The following MAPKAP1 variants were observed in gnomAD, a reference collection of about 807,000 sequenced individuals.
MAPKAP1 encodes target of rapamycin complex 2 subunit MAPKAP1.
Under a neutral mutation model 65.7 loss-of-function variants are expected in MAPKAP1, and 20 were observed. The ratio of observed to expected loss-of-function variants is 0.30; its 90% CI spans 0.21 to 0.44. The LOEUF is 0.44. Among genes scored for constraint, MAPKAP1 ranks in the 20% least tolerant of loss-of-function variants. The pLI, the probability that MAPKAP1 is intolerant of heterozygous loss-of-function variation, is 1.00. For synonymous variants in MAPKAP1, 222 were observed against 244.3 expected (o/e 0.91, Z 0.85); for missense variants, 423 against 648.0 (o/e 0.65, Z 3.77).
rs1554844769 is a variant in MAPKAP1, at chr9:125,693,846, TAC to T, written c.-70+13123_-70+13124del. ...ACACACACACATATATATACACACA[TAC>T]ACACACACACACACACACACACACA... On this transcript the variant is annotated intron_variant, in intron 1 of 11. Transcript: ENST00000265960. Among the ~76,000 whole-genome samples, 958 of 135,460 alleles carry T rather than the reference TAC, an allele frequency of 7.1e-3. 27 individuals are homozygous for T. Among genetic ancestry groups the T allele is most frequent in the East Asian group, 0.064 (304 of 4,760 alleles). 88.9% of individuals were successfully genotyped at this position (135,460 alleles called of 152,430 possible).
At chr9:125,501,916 C>A (rs117933797) in intron 8 of MAPKAP1, among the ~76,000 whole-genome samples, 3,567 of 152,150 alleles carry the variant, frequency 0.023, 61 homozygotes, top group South Asian at 0.057. Context: ...TTGTCCATTT[C>A]ATTGGAAGTG....
rs987624597 is a variant in MAPKAP1, at chr9:125,543,079, T to C, written c.938A>G (p.Lys313Arg). 1 of 1,613,072 alleles carries C rather than the reference T, an allele frequency of 6.2e-7. No homozygotes were observed. The highest frequency in any genetic ancestry group is 8.5e-7 in the Non-Finnish European group (1 of 1,179,094). The part of the protein sequence containing the change: ...EILLKAVKRR[K>R]GSQKVSGPQY... ...CCCACCTGAAACTTTCTGGGATCCT[T>C]TTCTTCGCTTCACTGCCTTCAGTAA... Residue 313 changes from lysine to arginine, a missense_variant, in exon 7 of 12, where the codon AAA (lysine) becomes AGA (arginine). Physicochemically the swap from Lys to Arg is conservative, Grantham distance 26. This residue lies in a region of MAPKAP1 where 98 missense variants were observed against 200.5 expected (regional missense o/e 0.49). Coordinates refer to ENST00000265960, the MANE Select transcript of MAPKAP1 (RefSeq NM_001006617.3).
In MAPKAP1 at chr9:125,465,169, A is replaced by G. The variant is rs563550979; in HGVS notation, c.1345+2803T>C. ...ATGAAAAAGGAAATATATTGCAGAA[A>G]TCAAAAACCTTATCTACTTCTAGAC... On this transcript the variant is annotated intron_variant, in intron 10 of 11. Coordinates refer to ENST00000265960, the MANE Select transcript of MAPKAP1 (RefSeq NM_001006617.3). 2.0e-5 allele frequency among the ~76,000 whole-genome samples: 3 copies of G among 152,376 alleles called. No homozygotes were observed. The East Asian group carries it at 5.8e-4, about 29-fold the overall frequency.
intron 4 of MAPKAP1, chr9:125,596,227 A>C (rs2131600270): frequency 2.6e-6 from 2 of 765,906 alleles, no homozygotes; most frequent in Non-Finnish European, 4.8e-6. Context: ...GAGATGGCTA[A>C]TACTTCATCC....
chr9:125,681,246 TA>T (rs1834812852), intron 1 of MAPKAP1, among the ~76,000 whole-genome samples: 1 of 152,192 alleles, frequency 6.6e-6, no homozygotes, highest in Non-Finnish European at 1.5e-5. Context: ...CAACAGAATA[TA>T]GGGGAAGGAA....
At chr9:125,575,663 C>T (rs1831372551) in intron 5 of MAPKAP1, among the ~76,000 whole-genome samples, 1 of 152,234 alleles carries the variant, frequency 6.6e-6, no homozygotes, top group Non-Finnish European at 1.5e-5. Context: ...TACCACTACA[C>T]ACCTATTAAA....
chr9:125,628,801 T>C (rs1443176814), intron 4 of MAPKAP1, among the ~76,000 whole-genome samples: 1 of 151,976 alleles, frequency 6.6e-6, no homozygotes, highest in Admixed American at 6.6e-5. Context: ...GGACAAAATA[T>C]TTGCAAACCA....
chr9:125,628,960 T>C (rs1348698208), intron 4 of MAPKAP1, among the ~76,000 whole-genome samples: 1 of 151,870 alleles, frequency 6.6e-6, no homozygotes, highest in Non-Finnish European at 1.5e-5. Flanking sequence ...AACAAGCATA[T>C]GAGAAGATGC....
intron 1 of MAPKAP1, among the ~76,000 whole-genome samples, chr9:125,674,130 C>G (rs17350527): frequency 0.056 from 8,536 of 152,000 alleles, 341 homozygotes; most frequent in Middle Eastern, 0.099. Flanking sequence ...GCTATAAGAT[C>G]TCAGTCAAAA....
At chr9:125,657,851 G>A in intron 3 of MAPKAP1, 52 bp from the exon 4 acceptor site, 1 of 1,562,960 alleles carries the variant, frequency 6.4e-7, no homozygotes. Flanking sequence ...GAGACAACTT[G>A]TCCACCTTCC....
At chr9:125,464,678 G>A (rs117096535) in intron 10 of MAPKAP1, among the ~76,000 whole-genome samples, 3,562 of 152,274 alleles carry the variant, frequency 0.023, 61 homozygotes, top group South Asian at 0.057. Context: ...AGAAGTCGAG[G>A]GGAATGGAAA....
In MAPKAP1 at chr9:125,523,417, T is replaced by C. The variant is rs745740948; in HGVS notation, c.959-17000A>G. Among the ~76,000 whole-genome samples, 83 of 152,198 alleles carry C rather than the reference T, an allele frequency of 5.5e-4. 1 individual carries two copies. The highest frequency in any genetic ancestry group is 1.0e-3 in the Non-Finnish European group (71 of 68,040). ...ATTTAAGCAGTTGGGAGAATTCCAC[T>C]TGCCATGACTCTCAGTGATCCAATG... is the stretch of plus-strand genomic sequence containing the variant. On this transcript the variant is annotated intron_variant, in intron 7 of 11. Coordinates refer to ENST00000265960, the MANE Select transcript of MAPKAP1 (RefSeq NM_001006617.3).
At position 125,588,141 on chromosome 9, in the gene MAPKAP1, T is replaced by C. The variant is rs562232214; in HGVS notation, c.499-2414A>G. ...ATGTTCATAGCAGTATTATTTATAA[T>C]AGCCAAGGAATGAAAAACACCCAAA... On this transcript the variant is annotated intron_variant, in intron 4 of 11. Transcript: ENST00000265960. 4.6e-5 allele frequency among the ~76,000 whole-genome samples: 7 copies of C among 152,280 alleles called. No homozygotes were observed. The South Asian group carries it at 1.4e-3, about 32-fold the overall frequency.
chr9:125,511,038 CAG>C (rs780069362), intron 7 of MAPKAP1, among the ~76,000 whole-genome samples: 28 of 152,144 alleles, frequency 1.8e-4, no homozygotes, highest in Non-Finnish European at 3.2e-4. Context: ...CTTTATAAAA[CAG>C]GGGATAATAA....
chr9:125,590,575 G>A (rs1174922553), intron 4 of MAPKAP1, among the ~76,000 whole-genome samples: 1 of 151,862 alleles, frequency 6.6e-6, no homozygotes. Context: ...GCTTGCAACT[G>A]GGAGGCAGAA....
At chr9:125,494,751 T>A (rs1589235299) in intron 8 of MAPKAP1, among the ~76,000 whole-genome samples, 2 of 152,132 alleles carry the variant, frequency 1.3e-5, no homozygotes, top group South Asian at 4.2e-4. Context: ...CCTGGAACAT[T>A]CTTCTCTTAC....
At chr9:125,483,198 C>A (rs1382336983) in intron 9 of MAPKAP1, among the ~76,000 whole-genome samples, 1 of 152,144 alleles carries the variant, frequency 6.6e-6, no homozygotes, top group Non-Finnish European at 1.5e-5. Flanking sequence ...GTCATTGGTA[C>A]TACTGATATT....
chr9:125,445,316 C>T (rs1047326660), intron 10 of MAPKAP1, among the ~76,000 whole-genome samples: 5 of 152,230 alleles, frequency 3.3e-5, no homozygotes, highest in African/African-American at 1.2e-4. Context: ...CATCTCACTC[C>T]GCTGCCCCGA....
chr9:125,646,310 TCAAAACAAAACAAAA>T (rs542264994), intron 4 of MAPKAP1, among the ~76,000 whole-genome samples: 2 of 151,910 alleles, frequency 1.3e-5, no homozygotes, highest in African/African-American at 4.8e-5. Context: ...CCCTGTCTCT[TCAAAACAAAACAAAA>T]CAAAACAAAA....
Sources: gnomAD v4.1 joint callset for allele counts (sites outside exome capture counted in the v4.1 genomes callset) on GRCh38, gnomAD v4.1.1 for gene constraint, gnomAD v4.1.1 regional missense constraint, MANE v1.5 for transcripts, NCBI Gene and HGNC (gene_info 2026-07-23, HGNC 2026-07-21) for gene names.